MYPN: variants seen among roughly 807,000 people sequenced by gnomAD.
MYPN encodes sarcomeric protein myopalladin, 145 kDa (MYOP).
In MYPN, 63 loss-of-function variants were observed where a neutral mutation model predicts 129.4. The ratio of observed to expected loss-of-function variants is 0.49; its 90% CI spans 0.40 to 0.60. The LOEUF is 0.60. Ranked by LOEUF, MYPN falls within the 20% of genes least tolerant of loss-of-function variation. The pLI, the probability that MYPN is intolerant of heterozygous loss-of-function variation, is 0.00. For missense variants in MYPN, 1,596 were observed against 1,635.4 expected (o/e 0.98, Z 0.42); for synonymous variants, 629 against 600.9 (o/e 1.05, Z -0.68).
chr10:68,132,626 C>T (rs10762189), intron 2 of MYPN, among the ~76,000 whole-genome samples: 2 of 151,852 alleles, frequency 1.3e-5, no homozygotes, highest in Non-Finnish European at 2.9e-5. Flanking sequence ...ATACTGCAAA[C>T]GAATGCCAAG....
At chr10:68,137,023 T>C (rs1180750976) in intron 2 of MYPN, among the ~76,000 whole-genome samples, 3 of 152,180 alleles carry the variant, frequency 2.0e-5, no homozygotes, top group African/African-American at 7.2e-5. Flanking sequence ...TTTATGTGAG[T>C]TGTAATATTT....
chr10:68,172,679 T>C (rs930960449), intron 10 of MYPN, among the ~76,000 whole-genome samples: 4 of 152,170 alleles, frequency 2.6e-5, no homozygotes, highest in African/African-American at 9.7e-5. Context: ...TTTCTCCTTT[T>C]AGGAACAATA....
intron 1 of MYPN, among the ~76,000 whole-genome samples, chr10:68,111,214 A>G (rs1455270921): frequency 1.3e-5 from 2 of 152,212 alleles, no homozygotes; most frequent in Non-Finnish European, 2.9e-5. Context: ...TTTTGAACAT[A>G]TGAGACAACA....
intron 1 of MYPN, among the ~76,000 whole-genome samples, chr10:68,092,159 T>C (rs905320477): frequency 6.6e-6 from 1 of 152,116 alleles, no homozygotes. Flanking sequence ...TGAAAACTGG[T>C]GAAAAAAATT....
At chr10:68,146,958 A>G (rs1449341851) in intron 4 of MYPN, among the ~76,000 whole-genome samples, 1 of 152,192 alleles carries the variant, frequency 6.6e-6, no homozygotes, top group Non-Finnish European at 1.5e-5. Flanking sequence ...GCATTAGCAC[A>G]TCATTCTGCT....
upstream of MYPN, among the ~76,000 whole-genome samples, chr10:68,101,993 T>G (rs2041984001): frequency 1.3e-5 from 2 of 152,130 alleles, no homozygotes; most frequent in Admixed American, 1.3e-4. Flanking sequence ...GTCATCTGCC[T>G]TTAATTTTTT....
intron 12 of MYPN, among the ~76,000 whole-genome samples, chr10:68,182,750 C>T (rs942717169): frequency 2.0e-5 from 3 of 152,000 alleles, no homozygotes; most frequent in Non-Finnish European, 2.9e-5. Context: ...TCAGGTGATC[C>T]ACCTGCCTCA....
At chr10:68,184,781 T>C (rs3998871) in intron 12 of MYPN, among the ~76,000 whole-genome samples, 149,326 of 152,216 alleles carry the variant, frequency 0.98, 73,312 homozygotes, top group Middle Eastern at 1. Flanking sequence ...TGGAGCTTTC[T>C]CTTCTGACTT....
chr10:68,141,931 G>C lies in MYPN; in HGVS notation c.903-1009G>C, dbSNP rs2042584874. Reference sequence around the variant, plus strand: ...AGTGATCATTCTCGTCTTCTTTTTAGAGCAGCATAGTGTTCTGTTGTGTGA... The same window carrying C: ...AGTGATCATTCTCGTCTTCTTTTTACAGCAGCATAGTGTTCTGTTGTGTGA... On this transcript the variant is annotated intron_variant, in intron 2 of 19. Transcript: ENST00000358913. 3.9e-5 allele frequency among the ~76,000 whole-genome samples: 6 copies of C among 152,134 alleles called. No individual in the cohort carries two copies. In the South Asian group the frequency reaches 1.2e-3, roughly 32 times the overall value.
chr10:68,199,485 C>T lies in MYPN; in HGVS notation c.3403C>T (p.Pro1135Ser). The change falls in exon 17 of 20, where the codon CCA becomes TCA. Residue 1135 changes from proline (P) to serine (S), a missense_variant. Physicochemically the swap from Pro to Ser is moderately conservative, Grantham distance 74 (BLOSUM62 -1). Transcript: ENST00000358913. ...CGGAGTCCACTCTCTGCTCATTGAC[C>T]CACTCACTCAGCGCGACGCAGGGAC... is the stretch of plus-strand genomic sequence containing the variant. ...ETGVHSLLID[P>S]LTQRDAGTYK... 6.2e-7 allele frequency: 1 copy of T among 1,613,826 alleles called. No homozygotes were observed. Among genetic ancestry groups the T allele is most frequent in the Non-Finnish European group, 8.5e-7 (1 of 1,179,952 alleles).
chr10:68,188,315 G>A (rs967059794), intron 12 of MYPN, among the ~76,000 whole-genome samples: 2 of 151,710 alleles, frequency 1.3e-5, no homozygotes, highest in African/African-American at 4.8e-5. Flanking sequence ...TTTCTGTGTT[G>A]GCCAGGCTGG....
In MYPN at chr10:68,145,642, A is replaced by C. The variant is rs573898356; in HGVS notation, c.1130+116A>C. 5.8e-5 allele frequency: 45 copies of C among 780,842 alleles called. No homozygotes were observed. The East Asian group carries it at 1.1e-3, about 19-fold the overall frequency. The allele number at this position is 780,842 out of a possible 1,614,324, so 48.4% of individuals were successfully genotyped here. ...AGGGTGGCTCCAGGGTTTGACCACA[A>C]AAATAAATAAATAAACAAACAAACA... On this transcript the variant is annotated intron_variant, in intron 4 of 19. Coordinates refer to ENST00000358913, the MANE Select transcript of MYPN (RefSeq NM_032578.4).
intron 19 of MYPN, among the ~76,000 whole-genome samples, chr10:68,207,470 G>T (rs1257471375): frequency 6.6e-6 from 1 of 152,124 alleles, no homozygotes; most frequent in Non-Finnish European, 1.5e-5. Context: ...TCCAGAGTTT[G>T]CAAGTGCTTG....
At position 68,174,626 on chromosome 10, in the gene MYPN, C is replaced by A; in HGVS notation, c.2534C>A (p.Ala845Asp). The A allele has an allele frequency of 6.2e-7, 1 of 1,614,116 alleles. No individual in the cohort carries two copies. The highest frequency in any genetic ancestry group is 2.2e-5 in the East Asian group (1 of 44,882). ...PSLPAIPPTN[A>D]MGLPRSAPSM... is the part of the protein sequence containing the mutation. ...CTCCCTGCCATCCCACCCACAAATGCCATGGGGCTGCCTAGAAGTGCACCA... is the reference window on the plus strand; with the variant it reads ...CTCCCTGCCATCCCACCCACAAATGACATGGGGCTGCCTAGAAGTGCACCA... The change falls in exon 11 of 20, where the codon GCC becomes GAC. Residue 845 changes from alanine (A) to aspartate (D), a missense_variant. By Grantham distance (126) the Ala-to-Asp change is moderately radical. Transcript: ENST00000358913.
chr10:68,122,410 C>A, intron 2 of MYPN, 70 bp downstream of exon 2: 2 of 1,514,142 alleles, frequency 1.3e-6, no homozygotes, highest in South Asian at 1.1e-5. Context: ...CAAGTATTAT[C>A]ATTTAAGCAC....
chr10:68,121,382 G>A, intron 1 of MYPN, 56 bp from the exon 2 acceptor site: 1 of 1,505,816 alleles, frequency 6.6e-7, no homozygotes, highest in Non-Finnish European at 9.1e-7. Context: ...AATAGACATA[G>A]ACTTGTTATT....
chr10:68,129,673 T>C (rs1032862743), intron 2 of MYPN, among the ~76,000 whole-genome samples: 2 of 152,230 alleles, frequency 1.3e-5, no homozygotes, highest in Non-Finnish European at 2.9e-5. Context: ...TGTTTTGATT[T>C]ACATTCCCAC....
intron 1 of MYPN, among the ~76,000 whole-genome samples, chr10:68,096,090 A>T (rs2133939641): frequency 6.6e-6 from 1 of 152,368 alleles, no homozygotes; most frequent in Non-Finnish European, 1.5e-5. Flanking sequence ...TCGATAAAAG[A>T]TAATATACAC....
upstream of MYPN, among the ~76,000 whole-genome samples, chr10:68,107,920 C>T (rs1461346045): frequency 6.6e-6 from 1 of 152,152 alleles, no homozygotes; most frequent in East Asian, 1.9e-4. Context: ...TGGGAGAGAC[C>T]TACCCAAGAC....
Sources: allele counts gnomAD v4.1 joint callset (sites outside exome capture counted in the v4.1 genomes callset), GRCh38; gene constraint gnomAD v4.1.1; transcripts MANE v1.5; gene names NCBI Gene and HGNC (gene_info 2026-07-23, HGNC 2026-07-21).